The following FAM169A variants were observed in gnomAD, a reference collection of about 807,000 sequenced individuals.
The protein encoded by FAM169A is family with sequence similarity 169 member A, also known as soluble lamin-associated protein of 75 kDa.
Under a neutral mutation model 75.7 loss-of-function variants are expected in FAM169A, and 24 were observed. The observed-to-expected ratio is 0.32, with a 90% CI of 0.23 to 0.45. FAM169A has a LOEUF of 0.45. Ranked by LOEUF, FAM169A falls within the 20% of genes least tolerant of loss-of-function variation. FAM169A has a pLI of 1.00. For synonymous variants in FAM169A, 271 were observed against 271.0 expected (o/e 1.00, Z 0.00); for missense variants, 673 against 784.0 (o/e 0.86, Z 1.69).
At chr5:74,824,125 T>C (rs1747897847) in intron 5 of FAM169A, among the ~76,000 whole-genome samples, 1 of 152,124 alleles carries the variant, frequency 6.6e-6, no homozygotes, top group African/African-American at 2.4e-5. Context: ...AGAAATACAC[T>C]TCCTGGTATT....
chr5:74,783,527 T>C (rs1483532066), intron 11 of FAM169A, among the ~76,000 whole-genome samples: 1 of 152,164 alleles, frequency 6.6e-6, no homozygotes, highest in Non-Finnish European at 1.5e-5. Context: ...ATGCTAGCTC[T>C]TTACATAACA....
intron 10 of FAM169A, chr5:74,799,899 T>C: frequency 1.1e-6 from 1 of 948,262 alleles, no homozygotes; most frequent in Non-Finnish European, 1.7e-6. Context: ...CATGGAATGC[T>C]TCTGCAACAC....
At chr5:74,814,450 T>C (rs1356188828) in intron 5 of FAM169A, among the ~76,000 whole-genome samples, 1 of 151,246 alleles carries the variant, frequency 6.6e-6, no homozygotes, top group East Asian at 1.9e-4. Flanking sequence ...ATGTCTCTGA[T>C]CTGTATTTTT....
At position 74,781,417 on chromosome 5, in the gene FAM169A, T is replaced by A. The variant is rs189973366; in HGVS notation, c.*43A>T. 6.4e-7 allele frequency: 1 copy of A among 1,557,456 alleles called. No individual in the cohort carries two copies. The highest frequency in any genetic ancestry group is 2.3e-5 in the East Asian group (1 of 44,336). On this transcript the variant is annotated 3_prime_UTR_variant, in exon 13 of 13. Coordinates refer to ENST00000687041, the MANE Select transcript of FAM169A (RefSeq NM_001376049.1). ...ATTACCATATTTTAAAAACAACAAC[T>A]ATGTTACAAAGAAGAGGATTTATCA...
At chr5:74,814,546 A>G (rs1257609074) in intron 5 of FAM169A, among the ~76,000 whole-genome samples, 1 of 152,148 alleles carries the variant, frequency 6.6e-6, no homozygotes, top group African/African-American at 2.4e-5. Flanking sequence ...GAAGTGAATT[A>G]GTTCTCCAAA....
chr5:74,859,570 G>A (rs963634167), intron 1 of FAM169A, among the ~76,000 whole-genome samples: 4 of 152,104 alleles, frequency 2.6e-5, no homozygotes, highest in African/African-American at 9.7e-5. Flanking sequence ...TTACAGGCGT[G>A]AGCCACCACG....
chr5:74,845,390 T>C (rs1749101581), intron 1 of FAM169A, among the ~76,000 whole-genome samples: 1 of 151,964 alleles, frequency 6.6e-6, no homozygotes, highest in Non-Finnish European at 1.5e-5. Flanking sequence ...TGGTAGTGCG[T>C]GTCTGTAGTC....
rs199845958 is a variant in FAM169A at position 74,800,938 on chromosome 5, T to C, written c.1045A>G (p.Ser349Gly). ...GKRFQDSEFS[S>G]SQGEDEKTSQ... ...GTCTTTTCATCTTCACCTTGAGAAC[T>C]GCTAAATTCAGAATCCTGAAACCGC... is the stretch of plus-strand genomic sequence containing the variant. The change falls in exon 10 of 13, where the codon AGT (serine) becomes GGT (glycine). Residue 349 changes from serine (S) to glycine (G), a missense_variant. Transcript: ENST00000687041. The C allele has an allele frequency of 1.7e-5, 26 of 1,559,400 alleles. 2 individuals carry two copies. In the African/African-American group the frequency reaches 2.2e-4, roughly 13 times the overall value.
rs535107130 is a variant in FAM169A at position 74,797,564 on chromosome 5, T to A, written c.1104-1378A>T. Among the ~76,000 whole-genome samples the A allele has an allele frequency of 2.0e-5, 3 of 152,340 alleles. No individual in the cohort carries two copies. The South Asian group carries it at 6.2e-4, about 32-fold the overall frequency. On this transcript the variant is annotated intron_variant, in intron 10 of 12. Transcript: ENST00000687041. ...TTGTGCCTTTGCTCATGTTAGTGCT[T>A]TAGTCGAAATCTGTAGATACAATAG...
chr5:74,866,155 G>T lies in FAM169A; in HGVS notation c.-4+10C>A. The stretch of plus-strand genomic sequence containing the variant: ...CAGCGGTCCGCGCCGGGGAGAGGGA[G>T]CGCACTCACCTCAGACGCGCCCCGG... On this transcript the variant is annotated intron_variant, in intron 1 of 12. Transcript: ENST00000687041. 1 of 979,254 alleles carries T rather than the reference G, an allele frequency of 1.0e-6. No individual in the cohort carries two copies. Among genetic ancestry groups the T allele is most frequent in the Non-Finnish European group, 1.2e-6 (1 of 824,932 alleles). The allele number at this position is 979,254 out of a possible 1,614,324, so 60.7% of individuals were successfully genotyped here.
In FAM169A at chr5:74,839,627, C is replaced by T. The variant is rs530531617; in HGVS notation, c.232+447G>A. Among the ~76,000 whole-genome samples, 534 of 150,790 alleles carry T rather than the reference C, an allele frequency of 3.5e-3. 5 individuals carry two copies. The highest frequency in any genetic ancestry group is 0.012 in the African/African-American group (503 of 40,908). The stretch of plus-strand genomic sequence containing the variant: ...ACAACCTCCACCTCCTGGGTTCAAG[C>T]GATTCTCCTGCCTCAACCTCCAAAG... On this transcript the variant is annotated intron_variant, in intron 3 of 12. Transcript: ENST00000687041.
chr5:74,793,945 G>C (rs1290177332), intron 11 of FAM169A, among the ~76,000 whole-genome samples: 7 of 149,124 alleles, frequency 4.7e-5, no homozygotes, highest in Non-Finnish European at 1.5e-5. Flanking sequence ...AGAGCTTGCA[G>C]TGAGCCGAGA....
At chr5:74,814,121 A>G (rs968473828) in intron 5 of FAM169A, 102 bp from the exon 6 acceptor site, 2 of 849,016 alleles carry the variant, frequency 2.4e-6, no homozygotes, top group Non-Finnish European at 3.4e-6. Context: ...GTTTTCTTCT[A>G]TATCAAAAAA....
At chr5:74,854,471 C>T (rs572213854) in intron 1 of FAM169A, among the ~76,000 whole-genome samples, 2 of 152,272 alleles carry the variant, frequency 1.3e-5, no homozygotes, top group Non-Finnish European at 2.9e-5. Context: ...ACAACCCAAT[C>T]ACACTTTGTT....
intron 10 of FAM169A, chr5:74,799,210 G>C: frequency 1.5e-6 from 2 of 1,306,042 alleles, no homozygotes; most frequent in Non-Finnish European, 2.2e-6. Context: ...TTGTGGGGCA[G>C]ACCACAATGC....
chr5:74,786,997 C>T (rs1464495763), intron 11 of FAM169A, among the ~76,000 whole-genome samples: 1 of 152,150 alleles, frequency 6.6e-6, no homozygotes, highest in Non-Finnish European at 1.5e-5. Context: ...AACATCACCT[C>T]AGGAGAAGAG....
chr5:74,812,418 T>C (rs1288295409), intron 6 of FAM169A, among the ~76,000 whole-genome samples: 1 of 151,814 alleles, frequency 6.6e-6, no homozygotes, highest in East Asian at 1.9e-4. Context: ...TGAGCCACCA[T>C]ACCCAGCCAA....
At chr5:74,813,796 T>C (rs766363264) in intron 6 of FAM169A, 44 bp downstream of exon 6, 1 of 1,372,978 alleles carries the variant, frequency 7.3e-7, no homozygotes, top group Non-Finnish European at 9.7e-7. Context: ...AAGTCGGAAG[T>C]GACACAAAGA....
intron 5 of FAM169A, among the ~76,000 whole-genome samples, chr5:74,832,646 A>G (rs1489351102): frequency 6.7e-6 from 1 of 149,236 alleles, no homozygotes; most frequent in East Asian, 1.9e-4. Context: ...TTATATATAT[A>G]AATATAACAT....
Sources: gnomAD v4.1 joint callset for allele counts (sites outside exome capture counted in the v4.1 genomes callset) on GRCh38, gnomAD v4.1.1 for gene constraint, MANE v1.5 for transcripts, NCBI Gene and HGNC (gene_info 2026-07-23, HGNC 2026-07-21) for gene names.